The following FAT3 variants were observed in gnomAD, a reference collection of about 807,000 sequenced individuals.
FAT3 encodes the protein protocadherin Fat 3.
A neutral mutation model predicts 310.2 loss-of-function variants in FAT3; 95 were observed. The ratio of observed to expected loss-of-function variants is 0.31; its 90% CI spans 0.26 to 0.36. The LOEUF (loss-of-function observed/expected upper bound fraction) is 0.36. FAT3 is among the 10% of genes least tolerant of loss of function. The probability of loss-of-function intolerance (pLI) is 1.00; values close to 1 mark genes in which losing one functional copy is unlikely to be tolerated. For missense variants in FAT3, 5,408 were observed against 5,715.6 expected, an observed-to-expected ratio of 0.95 and a Z score of 1.74; for synonymous variants, 2,314 against 2,192.9, an observed-to-expected ratio of 1.06 and a Z score of -1.54.
intron 9 of FAT3, 35 bp from the exon 10 acceptor site, chr11:92,797,801 T>A: frequency 6.4e-7 from 1 of 1,570,240 alleles, no homozygotes; most frequent in Non-Finnish European, 8.7e-7. Context: ...GTGACCCACA[T>A]GTAACTCATT....
At chr11:92,827,161 A>G (rs1418390977) in intron 13 of FAT3, among the ~76,000 whole-genome samples, 1 of 152,132 alleles carries the variant, frequency 6.6e-6, no homozygotes, top group Non-Finnish European at 1.5e-5. Context: ...GACCTGTATA[A>G]CTGTAAGCTG....
intron 6 of FAT3, among the ~76,000 whole-genome samples, chr11:92,770,280 AT>A (rs1946426371): frequency 6.6e-6 from 1 of 152,142 alleles, no homozygotes; most frequent in African/African-American, 2.4e-5. Context: ...TTCATATACT[AT>A]TAATAGTTTT....
intron 1 of FAT3, chr11:92,336,060 G>A (rs1285284173): frequency 2.2e-5 from 11 of 505,404 alleles, no homozygotes; most frequent in South Asian, 9.1e-5. Flanking sequence ...CAACTGGATC[G>A]TGCTGGGGTT....
chr11:92,355,128 T>A lies in FAT3; in HGVS notation c.3016T>A (p.Tyr1006Asn). Reference sequence around the variant, plus strand: ...GCTTGATTATGAGAAACAGCAGTTCTATAACCTTACTGTGCGGGCCAAAGA... The same window carrying A: ...GCTTGATTATGAGAAACAGCAGTTCAATAACCTTACTGTGCGGGCCAAAGA... ...KELDYEKQQF[Y>N]NLTVRAKDKG... Residue 1006 changes from tyrosine (Y) to asparagine (N), a missense_variant, in exon 2 of 28, where the codon TAT becomes AAT. Tyr to Asn is a moderately radical substitution (Grantham distance 143). Transcript: ENST00000525166. 1 of 1,613,818 alleles carries A rather than the reference T, an allele frequency of 6.2e-7. No homozygotes were observed.
chr11:92,370,382 G>A (rs1177331759), intron 2 of FAT3, among the ~76,000 whole-genome samples: 2 of 152,148 alleles, frequency 1.3e-5, no homozygotes, highest in South Asian at 2.1e-4. Context: ...TATGAGATCC[G>A]AGGTTGTGAA....
At position 92,840,689 on chromosome 11, in the gene FAT3, C is replaced by T. The variant is rs1043373476; in HGVS notation, c.10496C>T (p.Pro3499Leu). 4.3e-6 allele frequency: 7 copies of T among 1,611,388 alleles called. No individual in the cohort carries two copies. The African/African-American group carries it at 9.3e-5, about 22-fold the overall frequency. The stretch of plus-strand genomic sequence containing the variant: ...GAAGAGGAGGAGTTTGTGTTGGACC[C>T]TCATGGGATCTTGCGGTCGGCTGTG... ...GNEEEEFVLD[P>L]HGILRSAVVF... The change falls in exon 18 of 28, where the codon CCT becomes CTT. Residue 3499 changes from proline to leucine, a missense_variant. Around this residue, in one of 5 missense-constraint regions of FAT3, gnomAD observed 4,588 missense variants for 4,809.8 expected, o/e 0.95. Transcript: ENST00000525166.
intron 4 of FAT3, among the ~76,000 whole-genome samples, chr11:92,720,845 C>G (rs1264354262): frequency 2.6e-5 from 4 of 152,140 alleles, no homozygotes; most frequent in Non-Finnish European, 5.9e-5. Flanking sequence ...AATAAGGTCC[C>G]TTAATGTAAA....
In FAT3 at chr11:92,308,220, A is replaced by G. The variant is rs371843564; in HGVS notation, c.-17-43876A>G. Among the ~76,000 whole-genome samples, 35 of 152,288 alleles carry G rather than the reference A, an allele frequency of 2.3e-4. No individual in the cohort carries two copies. The East Asian group carries it at 6.4e-3, about 28-fold the overall frequency. ...TTTTATTGCCATCTCTTTCTTTCACAGGTTGTTTGATTATCTGTGTTTTCA... is the reference window on the plus strand; with the variant it reads ...TTTTATTGCCATCTCTTTCTTTCACGGGTTGTTTGATTATCTGTGTTTTCA... On this transcript the variant is annotated intron_variant, in intron 1 of 27. Transcript: ENST00000525166.
intron 12 of FAT3, among the ~76,000 whole-genome samples, chr11:92,808,201 T>C (rs890852130): frequency 7.2e-5 from 11 of 152,200 alleles, no homozygotes; most frequent in African/African-American, 2.4e-4. Flanking sequence ...CCAGGGGATA[T>C]TGTAATCCAG....
chr11:92,737,030 T>C (rs1183454041), intron 4 of FAT3, among the ~76,000 whole-genome samples: 2 of 152,016 alleles, frequency 1.3e-5, no homozygotes, highest in Admixed American at 6.6e-5. Flanking sequence ...TGATGGCTAA[T>C]TTTTTTTCTC....
intron 21 of FAT3, among the ~76,000 whole-genome samples, chr11:92,860,740 G>A (rs1949100227): frequency 6.6e-6 from 1 of 152,168 alleles, no homozygotes; most frequent in Non-Finnish European, 1.5e-5. Flanking sequence ...AGGCAGGTGA[G>A]GAAGGAGAGA....
At chr11:92,709,264 A>G (rs754677133) in intron 4 of FAT3, among the ~76,000 whole-genome samples, 12 of 152,164 alleles carry the variant, frequency 7.9e-5, no homozygotes, top group Non-Finnish European at 1.6e-4. Context: ...GAATTTTTTT[A>G]TGTTTCATTC....
chr11:92,613,889 G>A (rs1362381279), intron 3 of FAT3, among the ~76,000 whole-genome samples: 1 of 152,098 alleles, frequency 6.6e-6, no homozygotes, highest in Admixed American at 6.5e-5. Context: ...CCCATTATCA[G>A]TCACTTCCCA....
chr11:92,742,417 C>T (rs1945533032), intron 4 of FAT3, among the ~76,000 whole-genome samples: 1 of 152,186 alleles, frequency 6.6e-6, no homozygotes, highest in African/African-American at 2.4e-5. Flanking sequence ...AACAAATGGA[C>T]TGTGAATTCC....
intron 22 of FAT3, among the ~76,000 whole-genome samples, chr11:92,879,174 G>GA (rs1219336648): frequency 6.6e-6 from 1 of 152,222 alleles, no homozygotes; most frequent in Non-Finnish European, 1.5e-5. Flanking sequence ...GTATCAGGGT[G>GA]AAGTAAAGAC....
chr11:92,658,902 C>T (rs1215098947), intron 3 of FAT3, among the ~76,000 whole-genome samples: 1 of 149,904 alleles, frequency 6.7e-6, no homozygotes, highest in African/African-American at 2.5e-5. Context: ...CAATGACTCG[C>T]CTATTGTCAT....
chr11:92,838,987 G>A (rs932821227), intron 17 of FAT3, among the ~76,000 whole-genome samples: 6 of 152,006 alleles, frequency 3.9e-5, no homozygotes, highest in African/African-American at 9.7e-5. Flanking sequence ...CCAGAGCTTC[G>A]CCCAGAGTCC....
chr11:92,715,271 G>C (rs1314462813), intron 4 of FAT3, among the ~76,000 whole-genome samples: 3 of 151,398 alleles, frequency 2.0e-5, no homozygotes, highest in Admixed American at 2.0e-4. Flanking sequence ...AGCTGGGTGT[G>C]GTGGCAGGAG....
intron 2 of FAT3, among the ~76,000 whole-genome samples, chr11:92,509,841 A>G (rs1208281953): frequency 6.6e-6 from 1 of 152,316 alleles, no homozygotes; most frequent in African/African-American, 2.4e-5. Context: ...ACCAACAGTT[A>G]TTATCTCTGG....
Sources: allele counts gnomAD v4.1 joint callset (sites outside exome capture counted in the v4.1 genomes callset), GRCh38; gene constraint gnomAD v4.1.1; regional missense constraint gnomAD v4.1.1; transcripts MANE v1.5; gene names NCBI Gene and HGNC (gene_info 2026-07-23, HGNC 2026-07-21).